The following PPFIBP1 variants were observed in gnomAD, a reference collection of about 807,000 sequenced individuals.
PPFIBP1 encodes PPFIB scaffold protein 1.
PPFIBP1 carries 112 observed loss-of-function variants against 137.8 expected under a neutral mutation model. The ratio of observed to expected loss-of-function variants is 0.81; its 90% CI spans 0.70 to 0.95. PPFIBP1 has a LOEUF of 0.95. PPFIBP1 is among the 40% of genes least tolerant of loss of function. The probability of loss-of-function intolerance (pLI) is 0.00; values close to 1 mark genes in which losing one functional copy is unlikely to be tolerated. For missense variants in PPFIBP1, 1,083 were observed against 1,196.6 expected (o/e 0.91, Z 1.40); for synonymous variants, 378 against 417.3 (o/e 0.91, Z 1.15).
rs145482238 is a variant in PPFIBP1 at position 27,648,786 on chromosome 12, T to A, written c.471+944T>A. Among the ~76,000 whole-genome samples the A allele has an allele frequency of 8.2e-4, 125 of 152,142 alleles. 1 individual carries two copies. Among genetic ancestry groups the A allele is most frequent in the Middle Eastern group, 3.4e-3 (1 of 294 alleles). ...CTCACGTTCTTACTTATTTGTGGGA[T>A]CTAAAAATGAAACAATTGAACCCAT... On this transcript the variant is annotated intron_variant, in intron 6 of 29. Coordinates refer to ENST00000228425, the MANE Select transcript of PPFIBP1 (RefSeq NM_003622.4).
Position 27,584,055 on chromosome 12 carries a change from G to A in PPFIBP1, c.-36+5816G>A, listed in dbSNP as rs553653139. 7.9e-5 allele frequency: 12 copies of A among 152,322 alleles called. No homozygotes were observed. The East Asian group carries it at 1.4e-3, about 17-fold the overall frequency. The allele number at this position is 152,322 out of a possible 1,614,324, so 9.4% of individuals were successfully genotyped here. ...GGGAAATGCAGAGGGAGGGTCCTGC[G>A]AGCCTTTGACCACAGTGTTTTTGCC... is the stretch of plus-strand genomic sequence containing the variant. On this transcript the variant is annotated intron_variant, in intron 2 of 29. Coordinates refer to ENST00000228425, the MANE Select transcript of PPFIBP1 (RefSeq NM_003622.4).
At chr12:27,597,942 A>T (rs139402363) in intron 2 of PPFIBP1, among the ~76,000 whole-genome samples, 2,299 of 152,194 alleles carry the variant, frequency 0.015, 55 homozygotes, top group African/African-American at 0.053. Context: ...GGTCGCTGGG[A>T]TTACAGGCAT....
intron 2 of PPFIBP1, among the ~76,000 whole-genome samples, chr12:27,588,862 G>A (rs1296625028): frequency 6.6e-6 from 1 of 152,152 alleles, no homozygotes; most frequent in Non-Finnish European, 1.5e-5. Flanking sequence ...CCTTTGAAAG[G>A]TGGAATAAAG....
intron 2 of PPFIBP1, chr12:27,594,092 AG>A (rs2052885464): frequency 1.1e-5 from 13 of 1,186,658 alleles, no homozygotes; most frequent in Middle Eastern, 2.2e-4. Flanking sequence ...AAAAAAGAAA[AG>A]AAGAAAAAAG....
At chr12:27,534,529 A>G (rs1944772795) in intron 1 of PPFIBP1, among the ~76,000 whole-genome samples, 2 of 152,100 alleles carry the variant, frequency 1.3e-5, no homozygotes, top group African/African-American at 4.8e-5. Flanking sequence ...CGAGGCAGGA[A>G]GTTGGTTTAT....
At chr12:27,588,493 G>A (rs1246376869) in intron 2 of PPFIBP1, among the ~76,000 whole-genome samples, 1 of 152,150 alleles carries the variant, frequency 6.6e-6, no homozygotes, top group African/African-American at 2.4e-5. Flanking sequence ...CAGAAGGATC[G>A]ATGAAAGTGA....
intron 8 of PPFIBP1, chr12:27,655,278 T>G: frequency 7.7e-7 from 1 of 1,296,460 alleles, no homozygotes; most frequent in Non-Finnish European, 1.1e-6. Flanking sequence ...CCTGTTGCTT[T>G]CTGGCTTGTG....
rs1473270950 is a variant in PPFIBP1, at chr12:27,647,731, A to G, written c.360A>G (p.Val120=). ...GCATTATTTTGCTCTAAATACAGGT[A>G]AGTGTGTTAACAGACCAGGTGGAGG... The part of the protein sequence containing the change: ...ENDKESLVLQ[V]SVLTDQVEAQ... Residue 120 remains valine, a splice_region_variant and synonymous_variant, in exon 6 of 30, where the codon GTA becomes GTG. Coordinates refer to ENST00000228425, the MANE Select transcript of PPFIBP1 (RefSeq NM_003622.4). 5 of 1,589,316 alleles carry G rather than the reference A, an allele frequency of 3.1e-6. No individual in the cohort carries two copies. The South Asian group carries it at 4.6e-5, about 15-fold the overall frequency.
chr12:27,677,952 G>A (rs1392141995), intron 19 of PPFIBP1: 1 of 152,126 alleles, frequency 6.6e-6, no homozygotes. Context: ...TGTCTAGAAT[G>A]AACACTGGAT....
In PPFIBP1 at chr12:27,644,244, G is replaced by GTTTTTTTTTTTTTTTTTTTTT. The variant is rs3842650; in HGVS notation, c.271-1813_271-1793dup. Among the ~76,000 whole-genome samples, 164 of 117,736 alleles carry GTTTTTTTTTTTTTTTTTTTTT rather than the reference G, an allele frequency of 1.4e-3. 3 individuals carry two copies. Among genetic ancestry groups the GTTTTTTTTTTTTTTTTTTTTT allele is most frequent in the South Asian group, 2.8e-3 (8 of 2,868 alleles). 77.2% of individuals were successfully genotyped at this position (117,736 alleles called of 152,430 possible). On this transcript the variant is annotated intron_variant, in intron 4 of 29. Coordinates refer to ENST00000228425, the MANE Select transcript of PPFIBP1 (RefSeq NM_003622.4). ...GGCGCACACCACCAAGCTTGGCTAAGTTTTTTTTTTTTTTTTTTTTTTTTT... is the reference window on the plus strand; with the variant it reads ...GGCGCACACCACCAAGCTTGGCTAAGTTTTTTTTTTTTTTTTTTTTTTTTTTTTTTTTTTTTTTTTTTTTTT...
intron 2 of PPFIBP1, among the ~76,000 whole-genome samples, chr12:27,628,520 C>A (rs1233509970): frequency 6.6e-6 from 1 of 152,010 alleles, no homozygotes; most frequent in African/African-American, 2.4e-5. Context: ...TTTTGTCCAC[C>A]CAAAGAACTC....
intron 4 of PPFIBP1, among the ~76,000 whole-genome samples, chr12:27,642,547 A>G (rs1394765446): frequency 6.6e-6 from 1 of 152,222 alleles, no homozygotes; most frequent in Non-Finnish European, 1.5e-5. Flanking sequence ...TAAAATTATT[A>G]GTCATCTACC....
At chr12:27,676,293 T>C in intron 17 of PPFIBP1, 135 bp from the exon 18 acceptor site, 3 of 603,006 alleles carry the variant, frequency 5.0e-6, no homozygotes, top group Non-Finnish European at 7.6e-6. Context: ...TTGACATTGG[T>C]GATCAATGTA....
intron 1 of PPFIBP1, among the ~76,000 whole-genome samples, chr12:27,564,952 G>A (rs1271192666): frequency 6.6e-6 from 1 of 152,130 alleles, no homozygotes; most frequent in Non-Finnish European, 1.5e-5. Context: ...AGGCTGTAGG[G>A]CACTGCTAGA....
chr12:27,642,405 C>T (rs111257602), intron 4 of PPFIBP1, among the ~76,000 whole-genome samples: 1 of 152,142 alleles, frequency 6.6e-6, no homozygotes, highest in African/African-American at 2.4e-5. Context: ...GAAGTCAGAT[C>T]GACTCAACAA....
chr12:27,617,593 C>T (rs1371275042), intron 2 of PPFIBP1, among the ~76,000 whole-genome samples: 11 of 152,172 alleles, frequency 7.2e-5, no homozygotes, highest in Admixed American at 1.3e-4. Flanking sequence ...TAGTATTTGC[C>T]TATAACCTTC....
chr12:27,682,188 C>T (rs974571169), intron 22 of PPFIBP1, among the ~76,000 whole-genome samples, 199 bp from the exon 23 acceptor site: 1 of 152,180 alleles, frequency 6.6e-6, no homozygotes, highest in Non-Finnish European at 1.5e-5. Context: ...ATGCCTAACA[C>T]ACCCCTAAGA....
chr12:27,577,963 G>GGGAAGAA (rs560721275), intron 1 of PPFIBP1, among the ~76,000 whole-genome samples, 189 bp from the exon 2 acceptor site: 131 of 152,204 alleles, frequency 8.6e-4, no homozygotes, highest in African/African-American at 2.8e-3. Flanking sequence ...GTGCTGGACG[G>GGGAAGAA]GGAAGAAGGA....
intron 1 of PPFIBP1, among the ~76,000 whole-genome samples, chr12:27,553,019 T>G (rs1946934575): frequency 6.6e-6 from 1 of 151,534 alleles, no homozygotes; most frequent in South Asian, 2.1e-4. Context: ...CAGGGTTCTT[T>G]GCTAAACTTG....
Sources: allele counts gnomAD v4.1 joint callset (sites outside exome capture counted in the v4.1 genomes callset), GRCh38; gene constraint gnomAD v4.1.1; transcripts MANE v1.5; gene names NCBI Gene and HGNC (gene_info 2026-07-23, HGNC 2026-07-21).